The following ADD2 variants were observed in gnomAD, a reference collection of about 807,000 sequenced individuals.
The protein encoded by ADD2 is adducin 2, also known as beta-adducin.
ADD2 carries 23 observed loss-of-function variants against 83.0 expected under a neutral mutation model. The observed-to-expected ratio is 0.28, with a 90% CI of 0.20 to 0.39. ADD2 has a LOEUF of 0.39. ADD2 is among the 10% of genes least tolerant of loss of function. The pLI, the probability that ADD2 is intolerant of heterozygous loss-of-function variation, is 1.00. For missense variants in ADD2, 758 were observed against 944.9 expected (o/e 0.80, Z 2.59); for synonymous variants, 375 against 375.4 (o/e 1.00, Z 0.01).
rs1553365207 is a variant in ADD2, at chr2:70,662,586, C to T, written c.*839G>A. 6.6e-6 allele frequency: 1 copy of T among 152,198 alleles called. No individual in the cohort carries two copies. Among genetic ancestry groups the T allele is most frequent in the African/African-American group, 2.4e-5 (1 of 41,442 alleles). The allele number at this position is 152,198 out of a possible 1,614,324, so 9.4% of individuals were successfully genotyped here. A position where few individuals can be genotyped will look rare whatever the true frequency, so the allele number is the denominator to read the frequency against. On this transcript the variant is annotated 3_prime_UTR_variant, in exon 16 of 16. Transcript: ENST00000264436. ...TGATCCTCCTTATACAACCCAAAGCCAACAGAGGATTTCAACTTCCCCAAA... is the reference window on the plus strand; with the variant it reads ...TGATCCTCCTTATACAACCCAAAGCTAACAGAGGATTTCAACTTCCCCAAA...
At position 70,661,399 on chromosome 2, in the gene ADD2, T is replaced by C. The variant is rs1466211419; in HGVS notation, c.*2026A>G. The stretch of plus-strand genomic sequence containing the variant: ...ATCAAGGGATTGGCTTTTAAAGGCA[T>C]TTCCCATATGACAGATTTTTCTGAG... On this transcript the variant is annotated 3_prime_UTR_variant, in exon 16 of 16. Coordinates refer to ENST00000264436, the MANE Select transcript of ADD2 (RefSeq NM_001617.4). 4 of 152,192 alleles carry C rather than the reference T, an allele frequency of 2.6e-5. No individual in the cohort carries two copies. Among genetic ancestry groups the C allele is most frequent in the Admixed American group, 2.0e-4 (3 of 15,284 alleles). 9.4% of individuals were successfully genotyped at this position (152,192 alleles called of 1,614,324 possible).
chr2:70,741,920 G>A (rs1199204452), intron 1 of ADD2, among the ~76,000 whole-genome samples: 1 of 150,568 alleles, frequency 6.6e-6, no homozygotes, highest in Non-Finnish European at 1.5e-5. Flanking sequence ...GGGCTCCCAG[G>A]CAAATCCATT....
intron 14 of ADD2, among the ~76,000 whole-genome samples, chr2:70,674,161 G>A (rs1441220539): frequency 2.0e-5 from 3 of 152,170 alleles, no homozygotes; most frequent in Non-Finnish European, 4.4e-5. Context: ...GGCTAGCCAA[G>A]AAGGGGAACC....
rs1553372517 is a variant in ADD2 at position 70,695,826 on chromosome 2, G to A, written c.475-25C>T. 3 of 1,599,512 alleles carry A rather than the reference G, an allele frequency of 1.9e-6. No individual in the cohort carries two copies. The African/African-American group carries it at 4.0e-5, about 21-fold the overall frequency. On this transcript the variant is annotated intron_variant, in intron 5 of 15. Transcript: ENST00000264436. ...ACTGGAGGAAAGACACAAGTTCTCA[G>A]GGGCAAGGAGGGAGAAAGGACATTT... is the stretch of plus-strand genomic sequence containing the variant.
At position 70,663,302 on chromosome 2, in the gene ADD2, C is replaced by T. The variant is rs1675608121; in HGVS notation, c.*123G>A. On this transcript the variant is annotated 3_prime_UTR_variant, in exon 16 of 16. Coordinates refer to ENST00000264436, the MANE Select transcript of ADD2 (RefSeq NM_001617.4). ...TTGGTCGGGTGATCTCTAAGTTCCC[C>T]TTCCGAATGTGGTCCAGGGTCCTAC... 1 of 1,146,110 alleles carries T rather than the reference C, an allele frequency of 8.7e-7. No individual in the cohort carries two copies. Among genetic ancestry groups the T allele is most frequent in the African/African-American group, 1.6e-5 (1 of 64,200 alleles). 71.0% of individuals were successfully genotyped at this position (1,146,110 alleles called of 1,614,324 possible).
At chr2:70,677,637 C>G (rs1159116530) in intron 12 of ADD2, 121 bp downstream of exon 12, 1 of 1,321,932 alleles carries the variant, frequency 7.6e-7, no homozygotes, top group African/African-American at 1.5e-5. Context: ...GTTTCTCTCT[C>G]CTGTGAGGCA....
At chr2:70,749,973 C>G (rs781817008) in intron 1 of ADD2, among the ~76,000 whole-genome samples, 4 of 152,172 alleles carry the variant, frequency 2.6e-5, no homozygotes, top group Non-Finnish European at 5.9e-5. Context: ...GAGTGTCACA[C>G]AGACAAAAGA....
At position 70,753,949 on chromosome 2, in the gene ADD2, C is replaced by A. The variant is rs191764601; in HGVS notation, c.-154+13937G>T. ...AAGCATTTTATTACATTAAAGGTCA[C>A]CGTCAGCAGAACAAGGCTAGACAAG... is the stretch of plus-strand genomic sequence containing the variant. On this transcript the variant is annotated intron_variant, in intron 1 of 15. Coordinates refer to ENST00000264436, the MANE Select transcript of ADD2 (RefSeq NM_001617.4). Among the ~76,000 whole-genome samples the A allele has an allele frequency of 3.9e-5, 6 of 152,256 alleles. No individual in the cohort carries two copies. The East Asian group carries it at 1.2e-3, about 29-fold the overall frequency.
intron 5 of ADD2, 76 bp downstream of exon 5, chr2:70,696,169 A>C: frequency 3.9e-6 from 6 of 1,540,642 alleles, no homozygotes; most frequent in Non-Finnish European, 5.3e-6. Context: ...GGCCATGCCA[A>C]GGGTCAGGAG....
intron 1 of ADD2, among the ~76,000 whole-genome samples, chr2:70,762,749 A>G (rs1344351685): frequency 6.8e-6 from 1 of 147,808 alleles, no homozygotes; most frequent in Non-Finnish European, 1.5e-5. Context: ...CTTGTTGCCC[A>G]GGCTGGAGTG....
intron 1 of ADD2, among the ~76,000 whole-genome samples, chr2:70,761,227 C>T (rs66685561): frequency 0.13 from 18,962 of 146,718 alleles, 1,413 homozygotes; most frequent in Middle Eastern, 0.26. Context: ...GCATGCATTA[C>T]TTTTTTTTTT....
At chr2:70,756,346 T>A (rs1553383858) in intron 1 of ADD2, among the ~76,000 whole-genome samples, 1 of 152,144 alleles carries the variant, frequency 6.6e-6, no homozygotes. Context: ...ACTATGGTGG[T>A]GTTGGTGCCC....
chr2:70,721,756 T>C (rs888735535), intron 1 of ADD2, among the ~76,000 whole-genome samples: 2 of 152,166 alleles, frequency 1.3e-5, no homozygotes, highest in African/African-American at 4.8e-5. Context: ...CAATTAAAAT[T>C]AGAGATACAA....
chr2:70,739,937 C>T (rs1475365217), intron 1 of ADD2, among the ~76,000 whole-genome samples: 2 of 152,156 alleles, frequency 1.3e-5, no homozygotes, highest in Admixed American at 1.3e-4. Context: ...CTAGTACCTG[C>T]ATGGTGGAAT....
At chr2:70,744,995 C>A (rs1183596147) in intron 1 of ADD2, among the ~76,000 whole-genome samples, 1 of 152,058 alleles carries the variant, frequency 6.6e-6, no homozygotes, top group African/African-American at 2.4e-5. Flanking sequence ...CTTAAGATTT[C>A]AAGGTGAACG....
chr2:70,696,788 G>A (rs376134953), intron 4 of ADD2, among the ~76,000 whole-genome samples: 5 of 152,224 alleles, frequency 3.3e-5, no homozygotes, highest in South Asian at 2.1e-4. Flanking sequence ...GAAGTTACTC[G>A]TCATTAAACC....
At chr2:70,701,185 T>C (rs1671564434) in intron 4 of ADD2, among the ~76,000 whole-genome samples, 1 of 151,972 alleles carries the variant, frequency 6.6e-6, no homozygotes, top group Admixed American at 6.5e-5. Flanking sequence ...TCCAGAAGGG[T>C]ATTTTTAAAA....
chr2:70,761,702 C>T (rs1330551872), intron 1 of ADD2, among the ~76,000 whole-genome samples: 10 of 146,500 alleles, frequency 6.8e-5, no homozygotes, highest in African/African-American at 1.8e-4. Context: ...GACAGAGTAT[C>T]GTTCTGTTGC....
At chr2:70,686,044 C>T (rs1465746928) in intron 9 of ADD2, among the ~76,000 whole-genome samples, 10 of 152,328 alleles carry the variant, frequency 6.6e-5, no homozygotes, top group Non-Finnish European at 1.3e-4. Flanking sequence ...CAGCCACGTT[C>T]GCTTGTTTGC....
Sources: gnomAD v4.1 joint callset for allele counts (sites outside exome capture counted in the v4.1 genomes callset) on GRCh38, gnomAD v4.1.1 for gene constraint, MANE v1.5 for transcripts, NCBI Gene and HGNC (gene_info 2026-07-23, HGNC 2026-07-21) for gene names.